The following LRP8 variants were observed in gnomAD, a reference collection of about 807,000 sequenced individuals.
The protein encoded by LRP8 is low-density lipoprotein receptor-related protein 8.
Under a neutral mutation model 111.6 loss-of-function variants are expected in LRP8, and 46 were observed. The observed-to-expected ratio is 0.41, with a 90% CI of 0.33 to 0.53. The LOEUF is 0.53. LRP8 is among the 20% of genes least tolerant of loss of function. LRP8 has a pLI of 0.20. For synonymous variants in LRP8, 464 were observed against 511.2 expected (o/e 0.91, Z 1.24); for missense variants, 959 against 1,297.4 (o/e 0.74, Z 4.01).
rs1646469392 is a variant in LRP8, at chr1:53,264,378, G to A, written c.1446C>T (p.Ala482=). The A allele has an allele frequency of 6.2e-7, 1 of 1,613,810 alleles. No homozygotes were observed. Among genetic ancestry groups the A allele is most frequent in the African/African-American group, 1.3e-5 (1 of 75,048 alleles). ...GGACCTCCTGCTCTTTCGGGTCACT[G>A]GCCTTGTCCATGTAGGCGCTTAAGA... ...RKIYSAYMDK[A]SDPKEQEVLI... is the part of the protein sequence containing the mutation. Residue 482 remains alanine, a synonymous_variant, in exon 10 of 19, where the codon GCC becomes GCT. Coordinates refer to ENST00000306052, the MANE Select transcript of LRP8 (RefSeq NM_004631.5).
chr1:53,246,902 A>G lies in LRP8; in HGVS notation c.*116T>C. ...CATAAATTTAAAAAAAAAATCACAC[A>G]CACACATACACTCACACAGACCCAT... On this transcript the variant is annotated 3_prime_UTR_variant, in exon 19 of 19. Transcript: ENST00000306052. 1 of 866,176 alleles carries G rather than the reference A, an allele frequency of 1.2e-6. No individual in the cohort carries two copies. Among genetic ancestry groups the G allele is most frequent in the Non-Finnish European group, 1.8e-6 (1 of 563,346 alleles). The allele number at this position is 866,176 out of a possible 1,614,324, so 53.7% of individuals were successfully genotyped here.
intron 3 of LRP8, among the ~76,000 whole-genome samples, chr1:53,283,477 T>TTACC (rs1647186837): frequency 9.7e-5 from 10 of 103,170 alleles, no homozygotes; most frequent in Non-Finnish European, 9.6e-5. Flanking sequence ...GGCCACTTAC[T>TTACC]TACTACATAC....
At chr1:53,289,725 A>G (rs763564464) in intron 2 of LRP8, 36 bp from the exon 3 acceptor site, 12 of 1,610,628 alleles carry the variant, frequency 7.5e-6, no homozygotes, top group Middle Eastern at 3.3e-4. Context: ...TGAGCCTGGG[A>G]GCAGTCAGGA....
At chr1:53,281,629 G>A (rs746597515) in intron 3 of LRP8, among the ~76,000 whole-genome samples, 2 of 152,200 alleles carry the variant, frequency 1.3e-5, no homozygotes, top group Non-Finnish European at 2.9e-5. Flanking sequence ...GCATAGAGGC[G>A]GAGAACATGG....
rs1439426767 is a variant in LRP8, at chr1:53,243,345, T to C, written c.*3673A>G. 6.6e-6 allele frequency: 1 copy of C among 152,222 alleles called. No homozygotes were observed. Among genetic ancestry groups the C allele is most frequent in the Non-Finnish European group, 1.5e-5 (1 of 68,046 alleles). The allele number at this position is 152,222 out of a possible 1,614,324, so 9.4% of individuals were successfully genotyped here. ...GGCTCTCGACAACATGGCATGCATCTGTGAAAATCCCACTGCCCTTATATT... is the reference window on the plus strand; with the variant it reads ...GGCTCTCGACAACATGGCATGCATCCGTGAAAATCCCACTGCCCTTATATT... On this transcript the variant is annotated 3_prime_UTR_variant, in exon 19 of 19. Coordinates refer to ENST00000306052, the MANE Select transcript of LRP8 (RefSeq NM_004631.5).
In LRP8 at chr1:53,262,319, G is replaced by A. The variant is rs770855694; in HGVS notation, c.1775-112C>T. 4.8e-5 allele frequency: 74 copies of A among 1,533,450 alleles called. No homozygotes were observed. The highest frequency in any genetic ancestry group is 5.5e-5 in the Non-Finnish European group (61 of 1,118,660). The allele number at this position is 1,533,450 out of a possible 1,614,324, so 95.0% of individuals were successfully genotyped here. ...AGGCCTCACACTGAGGCCAGCCTAC[G>A]GCAACCATTAGGAAACAAAGTCACT... is the stretch of plus-strand genomic sequence containing the variant. On this transcript the variant is annotated intron_variant, in intron 11 of 18. Coordinates refer to ENST00000306052, the MANE Select transcript of LRP8 (RefSeq NM_004631.5). This position sits in a 1 kb window ranked among gnomAD's most constrained non-coding sequence, Gnocchi z 4.8.
intron 2 of LRP8, among the ~76,000 whole-genome samples, chr1:53,326,369 C>T (rs1655125345): frequency 6.6e-6 from 1 of 152,220 alleles, no homozygotes; most frequent in Non-Finnish European, 1.5e-5. Flanking sequence ...CCGCTCCGGC[C>T]ACGGGGGCCT....
intron 2 of LRP8, among the ~76,000 whole-genome samples, chr1:53,311,280 G>T (rs1259167988): frequency 6.6e-6 from 1 of 152,130 alleles, no homozygotes; most frequent in Non-Finnish European, 1.5e-5. Flanking sequence ...GGAGCGGGGA[G>T]GGGTAGCTGT....
rs769616421 is a variant in LRP8 at position 53,262,473 on chromosome 1, T to C, written c.1747A>G (p.Ile583Val). ...AGGGTGATTCCGTTGGGCCATTCAA[T>C]ATTGTCTGACACCAGTGTTTGCCGG... ...VDRQTLVSDNIEWPNGITLDL... is the reference protein window; with the variant it reads ...VDRQTLVSDNVEWPNGITLDL... Residue 583 changes from isoleucine (I) to valine (V), a missense_variant, in exon 11 of 19, where the codon ATT (isoleucine) becomes GTT (valine). Around this residue, in one of 3 missense-constraint regions of LRP8, gnomAD observed 819 missense variants for 1,097.6 expected, o/e 0.75. Transcript: ENST00000306052. This position sits in a 1 kb window ranked among gnomAD's most constrained non-coding sequence, Gnocchi z 4.8. The C allele has an allele frequency of 2.5e-6, 4 of 1,614,180 alleles. No individual in the cohort carries two copies. Among genetic ancestry groups the C allele is most frequent in the Non-Finnish European group, 3.4e-6 (4 of 1,180,038 alleles).
chr1:53,319,908 T>C (rs1379288627), intron 2 of LRP8, among the ~76,000 whole-genome samples: 2 of 152,230 alleles, frequency 1.3e-5, no homozygotes, highest in African/African-American at 4.8e-5. Context: ...AAGCCACACT[T>C]TACTGTCATC....
chr1:53,327,674 C>T, intron 1 of LRP8, 115 bp downstream of exon 1: 1 of 1,293,394 alleles, frequency 7.7e-7, no homozygotes, highest in Non-Finnish European at 9.9e-7. Flanking sequence ...AGCCTGTCCG[C>T]CCGGGAGCCC....
At chr1:53,261,692 A>G (rs1646345324) in intron 12 of LRP8, among the ~76,000 whole-genome samples, 1 of 152,200 alleles carries the variant, frequency 6.6e-6, no homozygotes, top group South Asian at 2.1e-4. Flanking sequence ...CTCTCAGGCC[A>G]TTTCCTCCAG....
At chr1:53,286,172 C>T (rs1282722283) in intron 3 of LRP8, among the ~76,000 whole-genome samples, 7 of 152,298 alleles carry the variant, frequency 4.6e-5, no homozygotes, top group South Asian at 4.1e-4. Context: ...CCAGAGGCTC[C>T]GGTGGTGAGA....
rs1005532148 is a variant in LRP8, at chr1:53,262,333, A to G, written c.1774+113T>C. 1 of 1,523,308 alleles carries G rather than the reference A, an allele frequency of 6.6e-7. No homozygotes were observed. The highest frequency in any genetic ancestry group is 9.0e-7 in the Non-Finnish European group (1 of 1,108,148). 94.4% of individuals were successfully genotyped at this position (1,523,308 alleles called of 1,614,324 possible). ...GGCCAGCCTACGGCAACCATTAGGA[A>G]ACAAAGTCACTGGCACCATGAGAGG... is the stretch of plus-strand genomic sequence containing the variant. On this transcript the variant is annotated intron_variant, in intron 11 of 18. Transcript: ENST00000306052. This position sits in a 1 kb window ranked among gnomAD's most constrained non-coding sequence, Gnocchi z 4.8.
In LRP8 at chr1:53,246,249, ATCTATTT is replaced by A. The variant is rs1459402026; in HGVS notation, c.*762_*768del. 2.0e-5 allele frequency: 3 copies of A among 152,210 alleles called. No individual in the cohort carries two copies. The highest frequency in any genetic ancestry group is 4.4e-5 in the Non-Finnish European group (3 of 68,046). 9.4% of individuals were successfully genotyped at this position (152,210 alleles called of 1,614,324 possible). On this transcript the variant is annotated 3_prime_UTR_variant, in exon 19 of 19. Coordinates refer to ENST00000306052, the MANE Select transcript of LRP8 (RefSeq NM_004631.5). ...ACTACATAATTGCACAAACCATGGT[ATCTATTT>A]TCTGATCCAGATTTCCAAAGGCTTT...
Position 53,266,147 on chromosome 1 carries a change from G to A in LRP8, c.1427+326C>T, listed in dbSNP as rs1043055647. On this transcript the variant is annotated intron_variant, in intron 9 of 18. Coordinates refer to ENST00000306052, the MANE Select transcript of LRP8 (RefSeq NM_004631.5). The surrounding 1 kb of genome is among the most constrained non-coding windows in gnomAD (Gnocchi z 5.0). ...CAACACACAGGGATGTGAGCTGCTT[G>A]GAAAGTCCTCCCCAAAGCCAGGATT... is the stretch of plus-strand genomic sequence containing the variant. 6.6e-6 allele frequency among the ~76,000 whole-genome samples: 1 copy of A among 150,816 alleles called. No individual in the cohort carries two copies. Among genetic ancestry groups the A allele is most frequent in the Non-Finnish European group, 1.5e-5 (1 of 67,576 alleles).
rs536825433 is a variant in LRP8, at chr1:53,322,774, G to A, written c.244+4099C>T. ...AGTGTCAGGAGCACACGTCCAGGCC[G>A]CACACTGAGGGCCAGATGCGGGCTA... On this transcript the variant is annotated intron_variant, in intron 2 of 18. Coordinates refer to ENST00000306052, the MANE Select transcript of LRP8 (RefSeq NM_004631.5). Among the ~76,000 whole-genome samples the A allele has an allele frequency of 7.2e-5, 11 of 152,258 alleles. No homozygotes were observed. In the East Asian group the frequency reaches 1.9e-3, roughly 27 times the overall value.
chr1:53,296,484 T>A (rs539426515), intron 2 of LRP8, among the ~76,000 whole-genome samples: 1 of 152,012 alleles, frequency 6.6e-6, no homozygotes, highest in African/African-American at 2.4e-5. Flanking sequence ...GTCGGGGAGA[T>A]GAAAGGGCTG....
chr1:53,321,166 C>A (rs1453979089), intron 2 of LRP8, among the ~76,000 whole-genome samples: 1 of 152,190 alleles, frequency 6.6e-6, no homozygotes, highest in Non-Finnish European at 1.5e-5. Context: ...GCGGAGTGCA[C>A]AATGTTGAGA....
Sources: gnomAD v4.1 joint callset for allele counts (sites outside exome capture counted in the v4.1 genomes callset) on GRCh38, gnomAD v4.1.1 for gene constraint, gnomAD v4.1.1 regional missense constraint, Gnocchi (gnomAD v3.1) non-coding constraint, MANE v1.5 for transcripts, NCBI Gene and HGNC (gene_info 2026-07-23, HGNC 2026-07-21) for gene names.